The following SLC6A20 variants were observed in gnomAD, a reference collection of about 807,000 sequenced individuals.
The protein encoded by SLC6A20 is sodium- and chloride-dependent transporter XTRP3.
Under a neutral mutation model 64.3 loss-of-function variants are expected in SLC6A20, and 73 were observed. That is an observed-to-expected ratio of 1.14 (90% confidence interval 0.94 to 1.38). The LOEUF is 1.38. Ranked by LOEUF, SLC6A20 falls within the 40% of genes most tolerant of loss-of-function variation. The probability of loss-of-function intolerance (pLI) is 0.00; values close to 1 mark genes in which losing one functional copy is unlikely to be tolerated. For missense variants in SLC6A20, 725 were observed against 772.8 expected (o/e 0.94, Z 0.73); for synonymous variants, 347 against 329.6 (o/e 1.05, Z -0.57).
At position 45,772,622 on chromosome 3, in the gene SLC6A20, G is replaced by A. The variant is rs1178469678; in HGVS notation, c.583-7C>T. The A allele has an allele frequency of 1.2e-6, 2 of 1,610,288 alleles. No homozygotes were observed. Among genetic ancestry groups the A allele is most frequent in the South Asian group, 2.2e-5 (2 of 90,440 alleles). On this transcript the variant is annotated splice_region_variant and splice_polypyrimidine_tract_variant and intron_variant, in intron 4 of 10. Coordinates refer to ENST00000358525, the MANE Select transcript of SLC6A20 (RefSeq NM_020208.4). ...ACGCCGTGAAATACACCACCTGCGGGCATCAGAGGGCAGAGTTGGCCTCCC... is the reference window on the plus strand; with the variant it reads ...ACGCCGTGAAATACACCACCTGCGGACATCAGAGGGCAGAGTTGGCCTCCC...
chr3:45,760,478 C>T (rs1347027613), intron 9 of SLC6A20, among the ~76,000 whole-genome samples: 2 of 151,468 alleles, frequency 1.3e-5, no homozygotes, highest in Admixed American at 1.3e-4. Context: ...CACCACGGAG[C>T]AGAATCACTT....
At chr3:45,781,943 A>G (rs1700091906) in intron 2 of SLC6A20, 140 bp downstream of exon 2, 4 of 1,207,524 alleles carry the variant, frequency 3.3e-6, no homozygotes, top group South Asian at 2.3e-5. Context: ...CCACCAGGCC[A>G]TTTGTTCACC....
Position 45,796,495 on chromosome 3 carries a change from C to G in SLC6A20, c.-76G>C. The G allele has an allele frequency of 6.9e-7, 1 of 1,449,804 alleles. No individual in the cohort carries two copies. Among genetic ancestry groups the G allele is most frequent in the Non-Finnish European group, 9.1e-7 (1 of 1,092,946 alleles). The allele number at this position is 1,449,804 out of a possible 1,614,324, so 89.8% of individuals were successfully genotyped here. ...TCTCAGTGCGCGGTCGCCAGGCGCG[C>G]CGTCCCACCCCGGCTCGGCTTGGGG... On this transcript the variant is annotated 5_prime_UTR_variant, in exon 1 of 11. Transcript: ENST00000358525.
At chr3:45,783,966 T>C (rs1484141093) in intron 1 of SLC6A20, among the ~76,000 whole-genome samples, 1 of 152,168 alleles carries the variant, frequency 6.6e-6, no homozygotes, top group East Asian at 1.9e-4. Context: ...ACAATAAAGA[T>C]TGGGTTCACA....
rs184263104 is a variant in SLC6A20, at chr3:45,785,703, A to T, written c.122-3480T>A. On this transcript the variant is annotated intron_variant, in intron 1 of 10. Transcript: ENST00000358525. ...CCTAATACAGTAGTAATACAACTAC[A>T]TGCCTTAAAGGCATGTGTGGAGATT... is the stretch of plus-strand genomic sequence containing the variant. Among the ~76,000 whole-genome samples, 561 of 151,816 alleles carry T rather than the reference A, an allele frequency of 3.7e-3. 3 individuals are homozygous for T. The highest frequency in any genetic ancestry group is 0.013 in the African/African-American group (532 of 41,358).
chr3:45,772,638 T>G (rs777578691), intron 4 of SLC6A20, 23 bp from the exon 5 acceptor site: 20 of 1,598,542 alleles, frequency 1.3e-5, no homozygotes, highest in Non-Finnish European at 1.7e-5. Flanking sequence ...GAGGGCAGAG[T>G]TGGCCTCCCG....
chr3:45,780,647 G>T (rs1312070983), intron 2 of SLC6A20, among the ~76,000 whole-genome samples: 1 of 152,140 alleles, frequency 6.6e-6, no homozygotes, highest in Admixed American at 6.5e-5. Flanking sequence ...CCGTAATTCG[G>T]TCAGGCCTGC....
chr3:45,795,370 G>A (rs1034299447), intron 1 of SLC6A20, among the ~76,000 whole-genome samples: 2 of 152,034 alleles, frequency 1.3e-5, no homozygotes, highest in Non-Finnish European at 2.9e-5. Flanking sequence ...GCTGCGAAGA[G>A]CAACCTTGAA....
At chr3:45,795,699 C>T (rs1700334647) in intron 1 of SLC6A20, among the ~76,000 whole-genome samples, 1 of 152,116 alleles carries the variant, frequency 6.6e-6, no homozygotes, top group Non-Finnish European at 1.5e-5. Flanking sequence ...CTGGCTGTCC[C>T]CGGAGCGTGC....
At chr3:45,762,726 C>A (rs566020065) in intron 9 of SLC6A20, among the ~76,000 whole-genome samples, 187 bp downstream of exon 9, 2 of 152,332 alleles carry the variant, frequency 1.3e-5, no homozygotes, top group Admixed American at 1.3e-4. Flanking sequence ...TTCACTGAAG[C>A]AAACTGAGCA....
chr3:45,791,237 A>T (rs1227664334), intron 1 of SLC6A20, among the ~76,000 whole-genome samples: 1 of 152,204 alleles, frequency 6.6e-6, no homozygotes, highest in Non-Finnish European at 1.5e-5. Flanking sequence ...TGAATGACTT[A>T]AATTGCCTAG....
chr3:45,781,430 T>C (rs912948796), intron 2 of SLC6A20, among the ~76,000 whole-genome samples: 2 of 152,168 alleles, frequency 1.3e-5, no homozygotes, highest in African/African-American at 4.8e-5. Context: ...TATGGCTACT[T>C]CTGGTCAGGG....
In SLC6A20 at chr3:45,796,294, C is replaced by A; in HGVS notation, c.121+5G>T. The stretch of plus-strand genomic sequence containing the variant: ...GGCTGGGGCCGGGGCGCGGTGGGCA[C>A]TCACCTCCGCCGTACATCTGGCACA... On this transcript the variant is annotated splice_donor_5th_base_variant and intron_variant, in intron 1 of 10. Coordinates refer to ENST00000358525, the MANE Select transcript of SLC6A20 (RefSeq NM_020208.4). The A allele has an allele frequency of 1.2e-6, 2 of 1,601,542 alleles. No individual in the cohort carries two copies. The highest frequency in any genetic ancestry group is 1.7e-6 in the Non-Finnish European group (2 of 1,174,480).
chr3:45,770,224 T>A lies in SLC6A20; in HGVS notation c.1083A>T (p.Glu361Asp), dbSNP rs766094536. The A allele has an allele frequency of 1.2e-6, 2 of 1,614,238 alleles. No homozygotes were observed. The highest frequency in any genetic ancestry group is 1.7e-6 in the Non-Finnish European group (2 of 1,180,032). ...MFPQIKNCSL[E>D]SELDTAVQGT... ...GGCATCTTACCGTGTCTAGCTCCGA[T>A]TCCAAGCTGCAGTTTTTGATTTGCG... Residue 361 changes from glutamate to aspartate, a missense_variant, in exon 7 of 11, where the codon GAA becomes GAT. By Grantham distance (45) the Glu-to-Asp change is conservative. Transcript: ENST00000358525.
chr3:45,770,552 C>A (rs1010275774), intron 6 of SLC6A20, among the ~76,000 whole-genome samples, 181 bp from the exon 7 acceptor site: 19 of 152,130 alleles, frequency 1.2e-4, no homozygotes, highest in Admixed American at 1.0e-3. Context: ...ACAGTGATGA[C>A]AACAGGCACC....
intron 4 of SLC6A20, 102 bp from the exon 5 acceptor site, chr3:45,772,717 C>A: frequency 2.2e-6 from 2 of 892,108 alleles, no homozygotes; most frequent in Non-Finnish European, 3.5e-6. Flanking sequence ...CAGGCTGCAC[C>A]GCCCAGCTGC....
intron 3 of SLC6A20, among the ~76,000 whole-genome samples, chr3:45,779,727 A>G (rs921622980): frequency 5.3e-5 from 8 of 152,368 alleles, no homozygotes; most frequent in Admixed American, 1.3e-4. Flanking sequence ...GGTCACATCC[A>G]TCAGAGAGAA....
chr3:45,782,538 A>G (rs1700111237), intron 1 of SLC6A20, among the ~76,000 whole-genome samples: 1 of 150,734 alleles, frequency 6.6e-6, no homozygotes. Flanking sequence ...CCTTCCATCT[A>G]TCCACCCTAC....
At chr3:45,767,986 G>A (rs1699802568) in intron 7 of SLC6A20, among the ~76,000 whole-genome samples, 2 of 152,274 alleles carry the variant, frequency 1.3e-5, no homozygotes, top group Admixed American at 1.3e-4. Flanking sequence ...CTAAATGAAA[G>A]TATTTTAAGG....
Sources: gnomAD v4.1 joint callset for allele counts (sites outside exome capture counted in the v4.1 genomes callset) on GRCh38, gnomAD v4.1.1 for gene constraint, MANE v1.5 for transcripts, NCBI Gene and HGNC (gene_info 2026-07-23, HGNC 2026-07-21) for gene names.